The following GDPD1 variants were observed in gnomAD, a reference collection of about 807,000 sequenced individuals.
The protein encoded by GDPD1 is glycerophosphodiester phosphodiesterase domain containing 1, also known as lysophospholipase D GDPD1.
GDPD1 carries 28 observed loss-of-function variants against 45.1 expected under a neutral mutation model. The observed-to-expected ratio is 0.62, with a 90% CI of 0.46 to 0.85. The LOEUF (loss-of-function observed/expected upper bound fraction) is 0.85. Ranked by LOEUF, GDPD1 falls within the 40% of genes least tolerant of loss-of-function variation. The pLI, the probability that GDPD1 is intolerant of heterozygous loss-of-function variation, is 0.00. For missense variants in GDPD1, 256 were observed against 364.8 expected, an observed-to-expected ratio of 0.70 and a Z score of 2.43; for synonymous variants, 139 against 131.4, an observed-to-expected ratio of 1.06 and a Z score of -0.40.
chr17:59,224,847 A>G (rs538539845), intron 1 of GDPD1, among the ~76,000 whole-genome samples: 1 of 152,136 alleles, frequency 6.6e-6, no homozygotes, highest in Non-Finnish European at 1.5e-5. Context: ...ACAAATTACC[A>G]CTTATTGAAA....
At chr17:59,223,410 A>ATC (rs1478561572) in intron 1 of GDPD1, among the ~76,000 whole-genome samples, 1 of 152,218 alleles carries the variant, frequency 6.6e-6, no homozygotes, top group East Asian at 1.9e-4. Context: ...CTCCAGTTGA[A>ATC]TCCAGAGTGA....
intron 1 of GDPD1, among the ~76,000 whole-genome samples, chr17:59,234,143 C>G (rs376114291): frequency 6.6e-6 from 1 of 151,744 alleles, no homozygotes; most frequent in Non-Finnish European, 1.5e-5. Flanking sequence ...GTCAGGAGAT[C>G]GAGATCATCC....
At chr17:59,251,257 G>A (rs1597978963) in intron 4 of GDPD1, among the ~76,000 whole-genome samples, 1 of 151,776 alleles carries the variant, frequency 6.6e-6, no homozygotes, top group Non-Finnish European at 1.5e-5. Context: ...AGTGGCTCAC[G>A]CCTGTAATCC....
chr17:59,237,368 T>G (rs1005295238), intron 2 of GDPD1, among the ~76,000 whole-genome samples: 2 of 152,116 alleles, frequency 1.3e-5, no homozygotes, highest in Non-Finnish European at 2.9e-5. Flanking sequence ...ACCACTGTAC[T>G]CCAGCCTGAG....
chr17:59,245,837 T>C (rs1177195862), intron 3 of GDPD1, among the ~76,000 whole-genome samples: 1 of 151,724 alleles, frequency 6.6e-6, no homozygotes, highest in African/African-American at 2.4e-5. Flanking sequence ...TATAGGAAAA[T>C]TGGCTGGGCA....
intron 6 of GDPD1, among the ~76,000 whole-genome samples, chr17:59,263,262 G>A (rs1056160014): frequency 2.6e-5 from 4 of 151,674 alleles, no homozygotes; most frequent in African/African-American, 9.7e-5. Context: ...AAACTCCTAG[G>A]CTCAAGCAAT....
At chr17:59,251,964 G>T (rs1324252450) in intron 4 of GDPD1, among the ~76,000 whole-genome samples, 1 of 124,174 alleles carries the variant, frequency 8.1e-6, no homozygotes, top group African/African-American at 3.3e-5. Flanking sequence ...CCATGATTGT[G>T]TCACTGCACA....
At chr17:59,271,548 G>A (rs1266201952) in intron 8 of GDPD1, among the ~76,000 whole-genome samples, 1 of 151,926 alleles carries the variant, frequency 6.6e-6, no homozygotes, top group Non-Finnish European at 1.5e-5. Context: ...AACCTTGAAT[G>A]CTTAAATATT....
At chr17:59,235,179 G>T (rs1171471806) in intron 2 of GDPD1, among the ~76,000 whole-genome samples, 1 of 151,906 alleles carries the variant, frequency 6.6e-6, no homozygotes, top group Non-Finnish European at 1.5e-5. Context: ...TAAAGCAAAG[G>T]ATGTGAAAAG....
chr17:59,222,505 C>CTTGTTTTTTTTTTTT (rs1941394558), intron 1 of GDPD1, among the ~76,000 whole-genome samples: 1 of 41,754 alleles, frequency 2.4e-5, no homozygotes, highest in Non-Finnish European at 4.6e-5. Context: ...AGTGCCCAGC[C>CTTGTTTTTTTTTTTT]TTTTTTTTTT....
intron 1 of GDPD1, 105 bp from the exon 2 acceptor site, chr17:59,234,387 C>CAA (rs930872669): frequency 3.8e-4 from 215 of 565,586 alleles, no homozygotes; most frequent in South Asian, 8.0e-4. Context: ...TGTCTACCCC[C>CAA]AAAAAAAAAA....
In GDPD1 at chr17:59,232,451, A is replaced by G. The variant is rs1201896329; in HGVS notation, c.143-2041A>G. The stretch of plus-strand genomic sequence containing the variant: ...GGTGACAGAGCGAGACTCCGTCTCA[A>G]AAAAAAAAAAAAAATTTGTCAGTAC... On this transcript the variant is annotated intron_variant, in intron 1 of 9. Coordinates refer to ENST00000284116, the MANE Select transcript of GDPD1 (RefSeq NM_182569.4). Among the ~76,000 whole-genome samples the G allele has an allele frequency of 2.7e-5, 4 of 147,676 alleles. No individual in the cohort carries two copies. The East Asian group carries it at 7.8e-4, about 29-fold the overall frequency.
At chr17:59,242,745 C>CA (rs1568342334) in intron 2 of GDPD1, among the ~76,000 whole-genome samples, 1 of 152,012 alleles carries the variant, frequency 6.6e-6, no homozygotes, top group African/African-American at 2.4e-5. Context: ...AAGCTCTCAG[C>CA]AAAAAAAGAA....
chr17:59,249,783 A>G (rs1407717200), intron 4 of GDPD1, among the ~76,000 whole-genome samples: 1 of 152,244 alleles, frequency 6.6e-6, no homozygotes, highest in Non-Finnish European at 1.5e-5. Flanking sequence ...AAGATGTTAC[A>G]TATCATGAAT....
chr17:59,241,147 C>T (rs1368334729), intron 2 of GDPD1, among the ~76,000 whole-genome samples: 1 of 152,164 alleles, frequency 6.6e-6, no homozygotes, highest in Non-Finnish European at 1.5e-5. Context: ...TCTGTGATGT[C>T]CGCACAATGA....
chr17:59,249,516 C>T (rs2047237434), intron 4 of GDPD1, among the ~76,000 whole-genome samples: 1 of 152,166 alleles, frequency 6.6e-6, no homozygotes, highest in South Asian at 2.1e-4. Flanking sequence ...TTTAGCTGCT[C>T]CATATTTTAA....
At chr17:59,261,900 C>T (rs1433682786) in intron 6 of GDPD1, among the ~76,000 whole-genome samples, 1 of 140,068 alleles carries the variant, frequency 7.1e-6, no homozygotes, top group Non-Finnish European at 1.5e-5. Context: ...TCCCAAAGTG[C>T]TGAGATTACA....
chr17:59,233,531 A>C (rs1483904826), intron 1 of GDPD1, among the ~76,000 whole-genome samples: 1 of 149,402 alleles, frequency 6.7e-6, no homozygotes, highest in African/African-American at 2.5e-5. Context: ...AAAAAAAAAG[A>C]AAGAAAAAAC....
chr17:59,231,743 A>G (rs992087441), intron 1 of GDPD1, among the ~76,000 whole-genome samples: 1 of 152,086 alleles, frequency 6.6e-6, no homozygotes, highest in Non-Finnish European at 1.5e-5. Flanking sequence ...ATGGATGACT[A>G]ACATCGTTGA....
Sources: gnomAD v4.1 joint callset for allele counts (sites outside exome capture counted in the v4.1 genomes callset) on GRCh38, gnomAD v4.1.1 for gene constraint, MANE v1.5 for transcripts, NCBI Gene and HGNC (gene_info 2026-07-23, HGNC 2026-07-21) for gene names.